IRAK1: variants seen among roughly 807,000 people sequenced by gnomAD.
The protein encoded by IRAK1 is interleukin-1 receptor-associated kinase 1.
In IRAK1, 9 loss-of-function variants were observed where a neutral mutation model predicts 49.8. The ratio of observed to expected loss-of-function variants is 0.18; its 90% CI spans 0.11 to 0.32. The LOEUF is 0.32. IRAK1 is among the 10% of genes least tolerant of loss of function. The probability of loss-of-function intolerance (pLI) is 1.00; values close to 1 mark genes in which losing one functional copy is unlikely to be tolerated. For synonymous variants in IRAK1, 282 were observed against 270.8 expected, an observed-to-expected ratio of 1.04 and a Z score of -0.41; for missense variants, 418 against 600.5, an observed-to-expected ratio of 0.70 and a Z score of 3.18.
In IRAK1 at chrX:154,017,065, G is replaced by A; in HGVS notation, c.912C>T (p.Thr304=). ...GSLEDRLHCQ[T]QACPPLSWPQ... ...GCCAGGAGAGAGGTGGGCAGGCCTG[G>A]GTCTGGGGTGGCAAAGGGGGACAGG... is the stretch of plus-strand genomic sequence containing the variant. Residue 304 remains threonine, a splice_region_variant and synonymous_variant, in exon 8 of 14, where the codon ACC becomes ACT. Coordinates refer to ENST00000369980, the MANE Select transcript of IRAK1 (RefSeq NM_001569.4). 3.4e-6 allele frequency: 4 copies of A among 1,163,718 alleles called. No homozygotes were observed. The highest frequency in any genetic ancestry group is 2.3e-6 in the Non-Finnish European group (2 of 851,545).
rs781882830 is a variant in IRAK1 at position 154,018,709 on chromosome X, G to A, written c.619C>T (p.Arg207Trp). Reference protein sequence around the residue: ...PFCWPLCEISRGTHNFSEELK... With the variant: ...PFCWPLCEISWGTHNFSEELK... ...TCCTCCGAGAAGTTGTGGGTGCCCC[G>A]GGAAATCTCACAGAGGGGCCAGCAA... The change falls in exon 5 of 14, where the codon CGG (arginine) becomes TGG (tryptophan). Residue 207 changes from arginine to tryptophan, a missense_variant. By Grantham distance (101) the Arg-to-Trp change is moderately radical. Coordinates refer to ENST00000369980, the MANE Select transcript of IRAK1 (RefSeq NM_001569.4). The A allele has an allele frequency of 6.1e-6, 7 of 1,144,278 alleles. No homozygotes were observed. Among genetic ancestry groups the A allele is most frequent in the South Asian group, 1.8e-5 (1 of 55,429 alleles). The allele number at this position is 1,144,278 out of a possible 1,213,427, so 94.3% of individuals were successfully genotyped here. A position where few individuals can be genotyped will look rare whatever the true frequency, so the allele number is the denominator to read the frequency against.
intron 11 of IRAK1, 34 bp downstream of exon 11, chrX:154,014,008 T>C: frequency 1.7e-6 from 2 of 1,188,927 alleles, no homozygotes; most frequent in Non-Finnish European, 1.1e-6. Flanking sequence ...GGGCTTTCTA[T>C]CTGGCCACCC....
intron 10 of IRAK1, among the ~76,000 whole-genome samples, chrX:154,015,828 C>T (rs953168173): frequency 8.9e-6 from 1 of 112,684 alleles, no homozygotes; most frequent in Admixed American, 9.3e-5. Flanking sequence ...CTGTACAAGG[C>T]CCATAGTGTC....
rs782669959 is a variant in IRAK1, at chrX:154,015,568, T to C, written c.1302+464A>G. ...TGTCAGGCTGGGGCTAAAACCCAGG[T>C]CTCTAGTCTCCTGGCCCCACCACAG... is the stretch of plus-strand genomic sequence containing the variant. On this transcript the variant is annotated intron_variant, in intron 10 of 13. Coordinates refer to ENST00000369980, the MANE Select transcript of IRAK1 (RefSeq NM_001569.4). 6.2e-5 allele frequency among the ~76,000 whole-genome samples: 7 copies of C among 112,555 alleles called. No homozygotes were observed. In the South Asian group the frequency reaches 2.5e-3, roughly 41 times the overall value.
intron 4 of IRAK1, 45 bp from the exon 5 acceptor site, chrX:154,018,832 CT>C (rs1557130480): frequency 1.3e-6 from 1 of 757,290 alleles, no homozygotes; most frequent in East Asian, 3.3e-5. Context: ...TGTCTCTTCC[CT>C]TCTGCCCAAG....
At position 154,013,119 on chromosome X, in the gene IRAK1, G is replaced by A. The variant is rs782100692; in HGVS notation, c.1854C>T (p.Ala618=). The stretch of plus-strand genomic sequence containing the variant: ...CTGCCGTGTCCCCCTGAGGACAGCC[G>A]GCCTCCCTGAGGGGTGCTGGGTCCA... ...CPLDPAPLRE[A]GCPQGDTAGE... Residue 618 remains alanine (A), a synonymous_variant, in exon 12 of 14, where the codon GCC becomes GCT. Transcript: ENST00000369980. 3.1e-5 allele frequency: 37 copies of A among 1,208,653 alleles called. No individual in the cohort carries two copies. Among genetic ancestry groups the A allele is most frequent in the Admixed American group, 1.3e-4 (6 of 45,964 alleles).
At chrX:154,019,402 C>A in intron 2 of IRAK1, 29 bp downstream of exon 2, 1 of 1,111,602 alleles carries the variant, frequency 9.0e-7, no homozygotes, top group South Asian at 2.1e-5. Flanking sequence ...GGCCTCCCAG[C>A]CGTGGGGTGC....
At chrX:154,015,974 G>A (rs926762532) in intron 10 of IRAK1, 58 bp downstream of exon 10, 5 of 1,011,298 alleles carry the variant, frequency 4.9e-6, no homozygotes, top group Non-Finnish European at 7.0e-6. Context: ...CACTGGGGCT[G>A]TGCCTGCTGG....
chrX:154,019,227 G>A lies in IRAK1; in HGVS notation c.406C>T (p.Pro136Ser), dbSNP rs1367337913. ...EAEAWSPRKL[P>S]SSASTFLSPA... ...GAGAGGAAGGTGGAGGCTGAGGATG[G>A]CAACTTCCGGGGGCTCCAGGCCTCG... is the stretch of plus-strand genomic sequence containing the variant. The change falls in exon 3 of 14, where the codon CCA (proline) becomes TCA (serine). Residue 136 changes from proline to serine, a missense_variant. Pro to Ser is a moderately conservative substitution (Grantham distance 74, BLOSUM62 -1). This residue lies in a region of IRAK1 where 377 missense variants were observed against 499.5 expected (regional missense o/e 0.75). Transcript: ENST00000369980. 5.0e-6 allele frequency: 6 copies of A among 1,208,470 alleles called. No individual in the cohort carries two copies. The highest frequency in any genetic ancestry group is 2.2e-5 in the Admixed American group (1 of 45,810).
chrX:154,013,392 C>T lies in IRAK1; in HGVS notation c.1581G>A (p.Gly527=). 8.3e-7 allele frequency: 1 copy of T among 1,198,599 alleles called. No individual in the cohort carries two copies. The highest frequency in any genetic ancestry group is 1.1e-6 in the Non-Finnish European group (1 of 890,691). ...TGGCGGCCTCCGAATGCCCGGGCACCCCCGCCACCACTGCCTGCAGCTTCT... is the reference window on the plus strand; with the variant it reads ...TGGCGGCCTCCGAATGCCCGGGCACTCCCGCCACCACTGCCTGCAGCTTCT... The part of the protein sequence containing the change: ...RLEKLQAVVA[G]VPGHSEAASC... The change falls in exon 12 of 14, where the codon GGG becomes GGA. Residue 527 remains glycine (G), a synonymous_variant. Transcript: ENST00000369980.
chrX:154,017,564 G>A (rs1480894715), intron 7 of IRAK1, among the ~76,000 whole-genome samples: 1 of 111,793 alleles, frequency 8.9e-6, no homozygotes, highest in African/African-American at 3.3e-5. Flanking sequence ...GGGAGGCTGA[G>A]GCGCGCAGAC....
rs781995118 is a variant in IRAK1, at chrX:154,011,839, G to A, written c.*20C>T. The A allele has an allele frequency of 8.3e-7, 1 of 1,203,015 alleles. No individual in the cohort carries two copies. Among genetic ancestry groups the A allele is most frequent in the African/African-American group, 1.7e-5 (1 of 57,842 alleles). On this transcript the variant is annotated 3_prime_UTR_variant, in exon 14 of 14. Transcript: ENST00000369980. ...AGAACTTTGACTTCCGGATTTGGGG[G>A]ATCTGCCCAGGTGAACACATCAGCT...
Position 154,014,185 on chromosome X carries a change from C to T in IRAK1, c.1396G>A (p.Ala466Thr). 8.3e-7 allele frequency: 1 copy of T among 1,210,137 alleles called. No individual in the cohort carries two copies. Residue 466 changes from alanine (A) to threonine (T), a missense_variant, in exon 11 of 14, where the codon GCT becomes ACT. Physicochemically the swap from Ala to Thr is moderately conservative, Grantham distance 58 (BLOSUM62 0). This residue lies in a region of IRAK1 where 377 missense variants were observed against 499.5 expected (regional missense o/e 0.75). Transcript: ENST00000369980. Reference protein sequence around the residue: ...LQAGLAADAWAAPIAMQIYKK... With the variant: ...LQAGLAADAWTAPIAMQIYKK... ...TAGATCTGCATGGCGATGGGAGCAG[C>T]CCAGGCATCTGCAGCCAGACCTGCT...
In IRAK1 at chrX:154,018,823, GTCTCT is replaced by G. The variant is rs782298532; in HGVS notation, c.541-41_541-37del. 8.0e-6 allele frequency: 6 copies of G among 752,430 alleles called. No homozygotes were observed. The Admixed American group carries it at 1.6e-4, about 20-fold the overall frequency. 62.0% of individuals were successfully genotyped at this position (752,430 alleles called of 1,213,427 possible). A position where few individuals can be genotyped will look rare whatever the true frequency, so the allele number is the denominator to read the frequency against. ...AGAGCCTGGATCAGGTGGGGTCCCT[GTCTCT>G]TCCCTTCTGCCCAAGGCTCCAGGCT... On this transcript the variant is annotated intron_variant, in intron 4 of 13. Transcript: ENST00000369980.
Position 154,011,921 on chromosome X carries a change from C to A in IRAK1, c.2081-4G>T. The A allele has an allele frequency of 8.3e-7, 1 of 1,207,786 alleles. No individual in the cohort carries two copies. On this transcript the variant is annotated splice_polypyrimidine_tract_variant and splice_region_variant and intron_variant, in intron 13 of 13. Transcript: ENST00000369980. ...CTGTCCTGTTCCAGGCCCAAGCCTA[C>A]AGAAGGAAGAGGAAAGTCCGCTTAG...
intron 10 of IRAK1, among the ~76,000 whole-genome samples, chrX:154,015,320 T>C (rs2065731355): frequency 8.9e-6 from 1 of 111,862 alleles, no homozygotes; most frequent in Non-Finnish European, 1.9e-5. Flanking sequence ...TTCAGCAGGA[T>C]GCATGGATGG....
chrX:154,019,654 C>T (rs2065768101), intron 1 of IRAK1, 23 bp downstream of exon 1: 2 of 958,327 alleles, frequency 2.1e-6, no homozygotes, highest in Non-Finnish European at 2.6e-6. Flanking sequence ...CCTCCCGCCC[C>T]CCGGCAGCCC....
chrX:154,015,790 T>C (rs1166524869), intron 10 of IRAK1, among the ~76,000 whole-genome samples: 2 of 112,556 alleles, frequency 1.8e-5, no homozygotes, highest in Admixed American at 9.3e-5. Flanking sequence ...GGGACCGCCC[T>C]TCCCCCTGCC....
intron 9 of IRAK1, 80 bp downstream of exon 9, chrX:154,016,357 C>G: frequency 5.1e-6 from 5 of 986,759 alleles, no homozygotes. Flanking sequence ...GCCCCTGGCC[C>G]GCAGTGCACT....
Sources: allele counts gnomAD v4.1 joint callset (sites outside exome capture counted in the v4.1 genomes callset), GRCh38; gene constraint gnomAD v4.1.1; regional missense constraint gnomAD v4.1.1; transcripts MANE v1.5; gene names NCBI Gene and HGNC (gene_info 2026-07-23, HGNC 2026-07-21).